The following ST6GALNAC5 variants were observed in gnomAD, a reference collection of about 807,000 sequenced individuals.
The protein encoded by ST6GALNAC5 is ST6 N-acetylgalactosaminide alpha-2,6-sialyltransferase 5.
ST6GALNAC5 carries 27 observed loss-of-function variants against 33.6 expected under a neutral mutation model. That is an observed-to-expected ratio of 0.80 (90% confidence interval 0.59 to 1.11). The LOEUF (loss-of-function observed/expected upper bound fraction) is 1.11. ST6GALNAC5 is among the 50% of genes least tolerant of loss of function. The probability of loss-of-function intolerance (pLI) is 0.00; values close to 1 mark genes in which losing one functional copy is unlikely to be tolerated. For synonymous variants in ST6GALNAC5, 194 were observed against 171.2 expected, an observed-to-expected ratio of 1.13 and a Z score of -1.04; for missense variants, 428 against 454.0, an observed-to-expected ratio of 0.94 and a Z score of 0.52.
intron 3 of ST6GALNAC5, among the ~76,000 whole-genome samples, chr1:77,049,169 A>G (rs1053850925): frequency 2.6e-5 from 4 of 152,078 alleles, no homozygotes; most frequent in African/African-American, 9.7e-5. Context: ...TGGTCCTTAT[A>G]TGAAATGAAA....
chr1:77,050,607 ATATT>A (rs1191273096), intron 4 of ST6GALNAC5, among the ~76,000 whole-genome samples: 3 of 152,248 alleles, frequency 2.0e-5, no homozygotes. Context: ...TATCCTCTGA[ATATT>A]TATCAGCCAG....
chr1:76,902,965 C>T (rs1271719581), intron 2 of ST6GALNAC5, among the ~76,000 whole-genome samples: 2 of 152,126 alleles, frequency 1.3e-5, no homozygotes, highest in Non-Finnish European at 2.9e-5. Context: ...AGGGATAAAT[C>T]TGCAGGACCT....
At chr1:77,056,254 A>C (rs971510991) in intron 4 of ST6GALNAC5, among the ~76,000 whole-genome samples, 1 of 152,242 alleles carries the variant, frequency 6.6e-6, no homozygotes, top group South Asian at 2.1e-4. Flanking sequence ...TAGATGGCCT[A>C]TAAATTGCGT....
In ST6GALNAC5 at chr1:76,868,840, G is replaced by A. The variant is rs558088637; in HGVS notation, c.261+98G>A. The A allele has an allele frequency of 4.7e-4, 665 of 1,423,988 alleles. No homozygotes were observed. Among genetic ancestry groups the A allele is most frequent in the Middle Eastern group, 2.7e-3 (14 of 5,120 alleles). The allele number at this position is 1,423,988 out of a possible 1,614,324, so 88.2% of individuals were successfully genotyped here. On this transcript the variant is annotated intron_variant, in intron 2 of 4. Transcript: ENST00000477717. This position sits in a 1 kb window ranked among gnomAD's most constrained non-coding sequence, Gnocchi z 4.3. ...CGGGGCTGGGAGGCGCTGTGAGTAG[G>A]TGCCGTTCGAAGGCTGGAGGGGAGT...
intron 2 of ST6GALNAC5, among the ~76,000 whole-genome samples, chr1:77,027,414 T>A (rs1247344918): frequency 6.6e-6 from 1 of 152,168 alleles, no homozygotes; most frequent in Non-Finnish European, 1.5e-5. Flanking sequence ...TGTTGAAAAC[T>A]GTGCCAAGCT....
At chr1:77,007,105 C>T (rs979869578) in intron 2 of ST6GALNAC5, among the ~76,000 whole-genome samples, 1 of 152,154 alleles carries the variant, frequency 6.6e-6, no homozygotes, top group African/African-American at 2.4e-5. Flanking sequence ...TGGCCAAGCC[C>T]AGTGTCAGTA....
chr1:77,023,308 T>G (rs1651120655), intron 2 of ST6GALNAC5, among the ~76,000 whole-genome samples: 1 of 152,186 alleles, frequency 6.6e-6, no homozygotes, highest in South Asian at 2.1e-4. Flanking sequence ...TAGAAACTCA[T>G]TTTTCCATAT....
chr1:76,906,353 C>T (rs1349582084), intron 2 of ST6GALNAC5, among the ~76,000 whole-genome samples: 1 of 152,120 alleles, frequency 6.6e-6, no homozygotes, highest in Non-Finnish European at 1.5e-5. Flanking sequence ...TTTCAAGGAT[C>T]ATTTCCTCCA....
intron 2 of ST6GALNAC5, among the ~76,000 whole-genome samples, chr1:76,937,796 T>A (rs556775184): frequency 1.3e-5 from 2 of 152,228 alleles, no homozygotes; most frequent in Admixed American, 1.3e-4. Context: ...TATAATTCAT[T>A]ACTTTCAGTA....
At chr1:77,049,163 C>A (rs536521607) in intron 3 of ST6GALNAC5, among the ~76,000 whole-genome samples, 1 of 151,470 alleles carries the variant, frequency 6.6e-6, no homozygotes, top group South Asian at 2.1e-4. Context: ...CTTTTTTGGT[C>A]CTTATATGAA....
chr1:76,963,879 T>C (rs1188824535), intron 2 of ST6GALNAC5, among the ~76,000 whole-genome samples: 1 of 152,094 alleles, frequency 6.6e-6, no homozygotes, highest in African/African-American at 2.4e-5. Flanking sequence ...CCCAACCTAA[T>C]CATATGAATC....
At chr1:76,989,327 C>T (rs1290853970) in intron 2 of ST6GALNAC5, among the ~76,000 whole-genome samples, 4 of 151,592 alleles carry the variant, frequency 2.6e-5, no homozygotes, top group Admixed American at 2.0e-4. Flanking sequence ...TGTGCAAGCT[C>T]ATATCTTATC....
rs1162878954 is a variant in ST6GALNAC5, at chr1:76,980,976, A to G, written c.262-63228A>G. On this transcript the variant is annotated intron_variant, in intron 2 of 4. Transcript: ENST00000477717. ...AATTTTAACAAGTCATATATGTGAT[A>G]AGGGACTTGTATTTAAAATAATATG... is the stretch of plus-strand genomic sequence containing the variant. Among the ~76,000 whole-genome samples, 7 of 152,368 alleles carry G rather than the reference A, an allele frequency of 4.6e-5. No homozygotes were observed. In the East Asian group the frequency reaches 1.3e-3, roughly 29 times the overall value.
intron 2 of ST6GALNAC5, among the ~76,000 whole-genome samples, chr1:76,968,055 T>C (rs1290196176): frequency 4.6e-5 from 7 of 152,150 alleles, no homozygotes; most frequent in South Asian, 2.1e-4. Flanking sequence ...GAATGTATAT[T>C]CTGTTGATTT....
chr1:76,986,643 C>T (rs1248032217), intron 2 of ST6GALNAC5, among the ~76,000 whole-genome samples: 4 of 152,028 alleles, frequency 2.6e-5, no homozygotes, highest in Non-Finnish European at 4.4e-5. Context: ...ACCATTTGAC[C>T]CAGCAATCCC....
chr1:76,939,423 G>A (rs1242103841), intron 2 of ST6GALNAC5, among the ~76,000 whole-genome samples: 3 of 151,982 alleles, frequency 2.0e-5, no homozygotes, highest in African/African-American at 4.8e-5. Context: ...ACCCACTGTC[G>A]ATGGAAATGC....
chr1:76,903,313 T>G (rs1051193532), intron 2 of ST6GALNAC5, among the ~76,000 whole-genome samples: 1 of 151,986 alleles, frequency 6.6e-6, no homozygotes, highest in South Asian at 2.1e-4. Context: ...ATCAAAGAAA[T>G]GCAAATCAAA....
At chr1:76,878,976 A>G (rs1292243568) in intron 2 of ST6GALNAC5, among the ~76,000 whole-genome samples, 2 of 152,156 alleles carry the variant, frequency 1.3e-5, no homozygotes, top group African/African-American at 4.8e-5. Context: ...CCACCTCAGG[A>G]TCCAGTTATT....
chr1:76,913,422 T>A (rs572736999), intron 2 of ST6GALNAC5, among the ~76,000 whole-genome samples: 1 of 151,936 alleles, frequency 6.6e-6, no homozygotes, highest in South Asian at 2.1e-4. Context: ...TCAAGGAGTA[T>A]CTTTGTGGCG....
Sources: allele counts gnomAD v4.1 joint callset (sites outside exome capture counted in the v4.1 genomes callset), GRCh38; gene constraint gnomAD v4.1.1; non-coding constraint Gnocchi (gnomAD v3.1); transcripts MANE v1.5; gene names NCBI Gene and HGNC (gene_info 2026-07-23, HGNC 2026-07-21).